Variants in SLC16A7 observed in about 807,000 individuals in gnomAD.
The protein encoded by SLC16A7 is solute carrier family 16 member 7.
Under a neutral mutation model 34.9 loss-of-function variants are expected in SLC16A7, and 33 were observed. That is an observed-to-expected ratio of 0.94 (90% confidence interval 0.72 to 1.26). SLC16A7 has a LOEUF of 1.26. Ranked by LOEUF, SLC16A7 falls within the 50% of genes most tolerant of loss-of-function variation. The pLI is 0.00. For synonymous variants in SLC16A7, 201 were observed against 206.6 expected (o/e 0.97, Z 0.23); for missense variants, 573 against 578.1 (o/e 0.99, Z 0.09).
At chr12:59,608,464 G>C (rs987028412) in intron 1 of SLC16A7, among the ~76,000 whole-genome samples, 1 of 152,208 alleles carries the variant, frequency 6.6e-6, no homozygotes, top group Non-Finnish European at 1.5e-5. Flanking sequence ...CTAATAAGTA[G>C]ATAGGAAAAG....
chr12:59,615,308 C>T (rs1192977679), intron 1 of SLC16A7, among the ~76,000 whole-genome samples: 1 of 152,104 alleles, frequency 6.6e-6, no homozygotes, highest in Non-Finnish European at 1.5e-5. Context: ...GAACAGGTCT[C>T]TCCTTTTCAC....
At chr12:59,622,867 T>C (rs1879754803) in intron 1 of SLC16A7, among the ~76,000 whole-genome samples, 1 of 151,828 alleles carries the variant, frequency 6.6e-6, no homozygotes, top group Non-Finnish European at 1.5e-5. Flanking sequence ...CATGTCGCTA[T>C]GGACTACTGA....
intron 3 of SLC16A7, among the ~76,000 whole-genome samples, chr12:59,742,987 T>C (rs1208274187): frequency 1.3e-5 from 2 of 152,196 alleles, no homozygotes; most frequent in African/African-American, 2.4e-5. Context: ...AAAAAGTAGA[T>C]GACTCAGTGC....
At chr12:59,753,872 C>T (rs1370238300) in intron 3 of SLC16A7, among the ~76,000 whole-genome samples, 2 of 152,108 alleles carry the variant, frequency 1.3e-5, no homozygotes, top group South Asian at 2.1e-4. Flanking sequence ...CTCTCCTCAG[C>T]AAATGTAAAA....
chr12:59,647,192 A>G (rs1283314450), intron 1 of SLC16A7, among the ~76,000 whole-genome samples: 3 of 152,040 alleles, frequency 2.0e-5, no homozygotes, highest in Non-Finnish European at 4.4e-5. Context: ...GGGTGGAATG[A>G]TATGGTTGGC....
intron 2 of SLC16A7, among the ~76,000 whole-genome samples, chr12:59,672,564 G>A (rs1202820187): frequency 6.6e-6 from 1 of 151,644 alleles, no homozygotes; most frequent in Non-Finnish European, 1.5e-5. Context: ...CTGTTTCTGG[G>A]CAATGGAGAT....
chr12:59,726,949 A>C (rs1351063921), intron 3 of SLC16A7, among the ~76,000 whole-genome samples: 1 of 151,992 alleles, frequency 6.6e-6, no homozygotes, highest in Non-Finnish European at 1.5e-5. Flanking sequence ...CACCTCAGAA[A>C]ATTTTAAAAG....
chr12:59,735,963 T>C, intron 3 of SLC16A7: 1 of 1,190,162 alleles, frequency 8.4e-7, no homozygotes, highest in South Asian at 1.4e-5. Flanking sequence ...TCATTCACCC[T>C]TTAAAGAGAT....
intron 3 of SLC16A7, among the ~76,000 whole-genome samples, chr12:59,755,192 C>T (rs544958348): frequency 0.045 from 6,822 of 152,124 alleles, 487 homozygotes; most frequent in African/African-American, 0.16. Context: ...TGAAAACTGG[C>T]ACAAGACAGG....
At chr12:59,687,270 C>T (rs1048550642) in intron 2 of SLC16A7, among the ~76,000 whole-genome samples, 1 of 151,900 alleles carries the variant, frequency 6.6e-6, no homozygotes, top group African/African-American at 2.4e-5. Flanking sequence ...ACACCTACCC[C>T]TTTTCCTATT....
intron 3 of SLC16A7, among the ~76,000 whole-genome samples, chr12:59,746,763 G>C (rs1007682351): frequency 5.9e-5 from 9 of 152,200 alleles, no homozygotes; most frequent in African/African-American, 2.2e-4. Flanking sequence ...GGATGAGGAT[G>C]TCCTTGCAAT....
chr12:59,789,130 G>A lies in SLC16A7; in HGVS notation c.*9451G>A, dbSNP rs1883819549. ...AGACTGTGAGCTCCTTGTGGACAAG[G>A]ATGTTATTTTAGTTATAATGACAAC... On this transcript the variant is annotated 3_prime_UTR_variant, in exon 6 of 6. Transcript: ENST00000547379. 3 of 152,074 alleles carry A rather than the reference G, an allele frequency of 2.0e-5. No homozygotes were observed. The allele number at this position is 152,074 out of a possible 1,614,324, so 9.4% of individuals were successfully genotyped here.
At chr12:59,684,645 G>A (rs1871011495) in intron 2 of SLC16A7, among the ~76,000 whole-genome samples, 1 of 152,178 alleles carries the variant, frequency 6.6e-6, no homozygotes, top group Admixed American at 6.5e-5. Context: ...GCAAACATGA[G>A]TGTGTAGACT....
At chr12:59,748,795 G>A (rs1243959863) in intron 3 of SLC16A7, among the ~76,000 whole-genome samples, 6 of 152,106 alleles carry the variant, frequency 3.9e-5, no homozygotes, top group Admixed American at 1.3e-4. Flanking sequence ...ATGTAGGTTC[G>A]GGATTGCTAT....
chr12:59,646,087 T>C (rs1267464178), intron 1 of SLC16A7, among the ~76,000 whole-genome samples: 1 of 152,144 alleles, frequency 6.6e-6, no homozygotes, highest in African/African-American at 2.4e-5. Flanking sequence ...AACAATACGA[T>C]AGAAAAGAAA....
At chr12:59,714,483 A>T (rs1406941601) in intron 3 of SLC16A7, among the ~76,000 whole-genome samples, 2 of 151,858 alleles carry the variant, frequency 1.3e-5, no homozygotes, top group Admixed American at 1.3e-4. Context: ...GGCTTGTTAG[A>T]TGGCTGCCTC....
chr12:59,713,493 G>A (rs1874502519), intron 3 of SLC16A7, among the ~76,000 whole-genome samples: 1 of 152,092 alleles, frequency 6.6e-6, no homozygotes, highest in South Asian at 2.1e-4. Context: ...TAAGTTTGAT[G>A]GATTATGTCA....
intron 1 of SLC16A7, among the ~76,000 whole-genome samples, chr12:59,631,751 C>T (rs555455511): frequency 1.5e-4 from 23 of 152,074 alleles, no homozygotes; most frequent in Admixed American, 1.5e-3. Flanking sequence ...TGTTCAGCTC[C>T]CACTTGTAAG....
chr12:59,694,749 C>T (rs1209832300), intron 2 of SLC16A7, among the ~76,000 whole-genome samples: 1 of 151,828 alleles, frequency 6.6e-6, no homozygotes, highest in Non-Finnish European at 1.5e-5. Flanking sequence ...TTTAATGTTT[C>T]CACTAAAACA....
Sources: allele counts gnomAD v4.1 joint callset (sites outside exome capture counted in the v4.1 genomes callset), GRCh38; gene constraint gnomAD v4.1.1; transcripts MANE v1.5; gene names NCBI Gene and HGNC (gene_info 2026-07-23, HGNC 2026-07-21).